The following PCDH15 variants were observed in gnomAD, a reference collection of about 807,000 sequenced individuals.
PCDH15 encodes the protein protocadherin-15.
PCDH15 carries 129 observed loss-of-function variants against 178.5 expected under a neutral mutation model. That is an observed-to-expected ratio of 0.72 (90% confidence interval 0.63 to 0.84). The LOEUF (loss-of-function observed/expected upper bound fraction) is 0.84. PCDH15 is among the 40% of genes least tolerant of loss of function. PCDH15 has a pLI of 0.00. For missense variants in PCDH15, 2,230 were observed against 2,099.9 expected (o/e 1.06, Z -1.21); for synonymous variants, 800 against 732.0 (o/e 1.09, Z -1.50).
intron 2 of PCDH15, among the ~76,000 whole-genome samples, chr10:55,620,255 A>C (rs1232261685): frequency 6.6e-6 from 1 of 152,124 alleles, no homozygotes; most frequent in Non-Finnish European, 1.5e-5. Context: ...GACATATTTC[A>C]CAAAGTGAAT....
rs116814638 is a variant in PCDH15 at position 54,616,046 on chromosome 10, T to C, written c.91+48126A>G. On this transcript the variant is annotated intron_variant, in intron 2 of 37. Coordinates refer to ENST00000644397, the MANE Select transcript of PCDH15 (RefSeq NM_001384140.1). ...GCTCAGCATTACCAAATTATCTCAT[T>C]TTTTTGAGTAGAAATAAATTTTGAT... Among the ~76,000 whole-genome samples the C allele has an allele frequency of 8.4e-3, 1,271 of 152,170 alleles. 23 individuals are homozygous for C. Among genetic ancestry groups the C allele is most frequent in the African/African-American group, 0.029 (1,196 of 41,546 alleles).
intron 25 of PCDH15, among the ~76,000 whole-genome samples, chr10:53,922,955 C>T (rs1424141507): frequency 6.6e-6 from 1 of 151,844 alleles, no homozygotes; most frequent in Non-Finnish European, 1.5e-5. Context: ...GGCATGGTGG[C>T]GGGCACCTGT....
At position 53,804,236 on chromosome 10, in the gene PCDH15, T is replaced by C. The variant is rs1841027072; in HGVS notation, c.*2343A>G. The C allele has an allele frequency of 6.6e-6, 1 of 151,974 alleles. No homozygotes were observed. The highest frequency in any genetic ancestry group is 1.5e-5 in the Non-Finnish European group (1 of 67,906). The allele number at this position is 151,974 out of a possible 1,614,324, so 9.4% of individuals were successfully genotyped here. ...ATTGTTTTTACTGAAATGATCAAGT[T>C]TAAATTACTGAAATGTGTCTGCTAA... On this transcript the variant is annotated 3_prime_UTR_variant, in exon 38 of 38. Transcript: ENST00000644397.
At chr10:54,256,980 T>C (rs2056941143) in intron 8 of PCDH15, among the ~76,000 whole-genome samples, 1 of 152,142 alleles carries the variant, frequency 6.6e-6, no homozygotes, top group South Asian at 2.1e-4. Context: ...ACATAAAACA[T>C]TGTCCTGCAC....
chr10:53,956,025 T>G (rs2593143), intron 23 of PCDH15, among the ~76,000 whole-genome samples: 1,569 of 152,254 alleles, frequency 0.01, 26 homozygotes, highest in African/African-American at 0.035. Context: ...TATTCTACCA[T>G]GAATATTTTC....
intron 1 of PCDH15, among the ~76,000 whole-genome samples, chr10:54,752,899 A>AG (rs143885510): frequency 0.01 from 1,526 of 152,324 alleles, 27 homozygotes; most frequent in African/African-American, 0.035. Flanking sequence ...TTATAGAAAT[A>AG]AAGTCACAAA....
intron 3 of PCDH15, among the ~76,000 whole-genome samples, chr10:54,463,701 G>C (rs1358507483): frequency 1.3e-5 from 2 of 151,982 alleles, no homozygotes; most frequent in African/African-American, 4.8e-5. Context: ...TATTTTATTT[G>C]ACTTTGTATT....
intron 25 of PCDH15, among the ~76,000 whole-genome samples, chr10:53,925,496 C>T (rs967028853): frequency 6.6e-6 from 1 of 152,222 alleles, no homozygotes; most frequent in African/African-American, 2.4e-5. Context: ...CGGCTTCATT[C>T]TTGAAGTCAG....
chr10:53,949,721 C>G (rs1164111350), intron 23 of PCDH15, among the ~76,000 whole-genome samples: 1 of 149,384 alleles, frequency 6.7e-6, no homozygotes, highest in East Asian at 2.0e-4. Context: ...GAGATCTTGT[C>G]TCTAAAAAGA....
At chr10:54,838,867 A>T (rs1283518587) in intron 3 of PCDH15, among the ~76,000 whole-genome samples, 2 of 152,140 alleles carry the variant, frequency 1.3e-5, no homozygotes, top group East Asian at 3.9e-4. Flanking sequence ...CACTGACTCA[A>T]TAGGAAACCT....
chr10:54,297,709 G>C (rs181509841), intron 8 of PCDH15, among the ~76,000 whole-genome samples: 154 of 152,270 alleles, frequency 1.0e-3, no homozygotes, highest in African/African-American at 3.6e-3. Context: ...CCCAACGTGG[G>C]TACATGTCCC....
chr10:54,103,613 C>T (rs905192538), intron 15 of PCDH15, among the ~76,000 whole-genome samples: 4 of 152,122 alleles, frequency 2.6e-5, no homozygotes, highest in Admixed American at 2.6e-4. Flanking sequence ...GTGACTAGTC[C>T]ACTCCACCAT....
chr10:54,163,411 G>C (rs185320078), intron 13 of PCDH15, among the ~76,000 whole-genome samples: 1 of 151,892 alleles, frequency 6.6e-6, no homozygotes, highest in Non-Finnish European at 1.5e-5. Flanking sequence ...CAGCAGGAGA[G>C]AGAGAGAGAG....
intron 26 of PCDH15, 108 bp downstream of exon 26, chr10:53,903,135 T>C (rs2133662093): frequency 7.7e-7 from 1 of 1,291,818 alleles, no homozygotes; most frequent in Non-Finnish European, 1.1e-6. Flanking sequence ...TTTCAGGCTT[T>C]TGTTTATACA....
intron 2 of PCDH15, among the ~76,000 whole-genome samples, chr10:54,603,168 ATATT>A (rs2092611055): frequency 1.3e-5 from 2 of 151,802 alleles, no homozygotes; most frequent in Non-Finnish European, 2.9e-5. Context: ...TTGTTGGTGT[ATATT>A]TATTCATAAC....
chr10:55,398,536 C>T (rs978880862), intron 2 of PCDH15, among the ~76,000 whole-genome samples: 3 of 152,150 alleles, frequency 2.0e-5, no homozygotes, highest in African/African-American at 7.2e-5. Context: ...CACACCCCAA[C>T]CTATTTGAAG....
intron 26 of PCDH15, among the ~76,000 whole-genome samples, chr10:53,875,428 GACTC>G (rs1258301095): frequency 1.3e-5 from 2 of 151,948 alleles, no homozygotes; most frequent in African/African-American, 2.4e-5. Flanking sequence ...AATTAAAACT[GACTC>G]ACTGTGGAAA....
At chr10:53,883,413 G>A (rs192129716) in intron 26 of PCDH15, among the ~76,000 whole-genome samples, 12 of 151,744 alleles carry the variant, frequency 7.9e-5, no homozygotes, top group Admixed American at 6.6e-4. Flanking sequence ...TTTTTTCTTT[G>A]CATCATCATC....
At chr10:54,051,309 C>A (rs1383162428) in intron 18 of PCDH15, among the ~76,000 whole-genome samples, 1 of 152,160 alleles carries the variant, frequency 6.6e-6, no homozygotes, top group Non-Finnish European at 1.5e-5. Context: ...AAGTTTGGAA[C>A]TTCCTAAACA....
Sources: gnomAD v4.1 joint callset for allele counts (sites outside exome capture counted in the v4.1 genomes callset) on GRCh38, gnomAD v4.1.1 for gene constraint, MANE v1.5 for transcripts, NCBI Gene and HGNC (gene_info 2026-07-23, HGNC 2026-07-21) for gene names.